The following TRIO variants were observed in gnomAD, a reference collection of about 807,000 sequenced individuals.
TRIO encodes trio Rho guanine nucleotide exchange factor, also known as triple functional domain protein.
A neutral mutation model predicts 351.9 loss-of-function variants in TRIO; 58 were observed. The ratio of observed to expected loss-of-function variants is 0.16; its 90% CI spans 0.13 to 0.21. TRIO has a LOEUF of 0.21. TRIO is among the 10% of genes least tolerant of loss of function. The pLI, the probability that TRIO is intolerant of heterozygous loss-of-function variation, is 1.00. For synonymous variants in TRIO, 1,758 were observed against 1,595.7 expected (o/e 1.10, Z -2.42); for missense variants, 3,201 against 4,027.8 (o/e 0.79, Z 5.56).
At chr5:14,417,151 T>C (rs1749716513) in intron 33 of TRIO, among the ~76,000 whole-genome samples, 1 of 152,216 alleles carries the variant, frequency 6.6e-6, no homozygotes, top group Non-Finnish European at 1.5e-5. Flanking sequence ...GCCTCTGCCT[T>C]TGAGCTTTTA....
rs1013676539 is a variant in TRIO at position 14,143,758 on chromosome 5, C to T, written c.33C>T (p.Pro11=). 69 of 992,760 alleles carry T rather than the reference C, an allele frequency of 7.0e-5. No individual in the cohort carries two copies. Among genetic ancestry groups the T allele is most frequent in the Non-Finnish European group, 8.0e-5 (67 of 836,476 alleles). 61.5% of individuals were successfully genotyped at this position (992,760 alleles called of 1,614,324 possible). A position where few individuals can be genotyped will look rare whatever the true frequency, so the allele number is the denominator to read the frequency against. The change falls in exon 1 of 57, where the codon CCC becomes CCT. Residue 11 remains proline (P), a synonymous_variant. Transcript: ENST00000344204. MSGSSGGAAA[P]AASSGPAAAA... ...GCAGCAGCGGCGGAGCCGCCGCCCC[C>T]GCCGCGTCCTCCGGCCCCGCCGCGG...
intron 1 of TRIO, among the ~76,000 whole-genome samples, chr5:14,185,756 A>G (rs1275032536): frequency 6.6e-6 from 1 of 152,198 alleles, no homozygotes; most frequent in Non-Finnish European, 1.5e-5. Flanking sequence ...GATTTCTCTC[A>G]TTTGTAAAGT....
At position 14,477,059 on chromosome 5, in the gene TRIO, A is replaced by G; in HGVS notation, c.6153+96A>G. 3.8e-6 allele frequency: 4 copies of G among 1,063,062 alleles called. No homozygotes were observed. The South Asian group carries it at 5.9e-5, about 16-fold the overall frequency. 65.9% of individuals were successfully genotyped at this position (1,063,062 alleles called of 1,614,324 possible). On this transcript the variant is annotated intron_variant, in intron 41 of 56. Transcript: ENST00000344204. Reference sequence around the variant, plus strand: ...AGGAGAACTCACTTATACTTTATGTAAGTGCGTATGTTTAAGATAAAATCA... The same window carrying G: ...AGGAGAACTCACTTATACTTTATGTGAGTGCGTATGTTTAAGATAAAATCA...
chr5:14,416,763 C>T (rs1413226434), intron 33 of TRIO, among the ~76,000 whole-genome samples: 3 of 152,194 alleles, frequency 2.0e-5, no homozygotes, highest in Non-Finnish European at 4.4e-5. Flanking sequence ...CCCCCACCCG[C>T]AGCCCATGGC....
chr5:14,357,911 T>TTGTGACAG (rs1234104434), intron 11 of TRIO, among the ~76,000 whole-genome samples: 2 of 152,156 alleles, frequency 1.3e-5, no homozygotes, highest in African/African-American at 2.4e-5. Context: ...TTTTTCTCTT[T>TTGTGACAG]TGTGACAGTG....
intron 35 of TRIO, among the ~76,000 whole-genome samples, chr5:14,462,254 C>T (rs992144152): frequency 1.3e-5 from 2 of 152,158 alleles, no homozygotes; most frequent in Admixed American, 6.5e-5. Context: ...CCTCTGTCCT[C>T]TTAGGAAAAC....
At chr5:14,437,697 C>G (rs773960980) in intron 34 of TRIO, among the ~76,000 whole-genome samples, 2,353 of 147,910 alleles carry the variant, frequency 0.016, 81 homozygotes, top group African/African-American at 0.058. Flanking sequence ...CCCCCCCCGC[C>G]CCAAGGACCT....
intron 1 of TRIO, among the ~76,000 whole-genome samples, chr5:14,175,330 A>T (rs965568087): frequency 1.3e-5 from 2 of 152,200 alleles, no homozygotes; most frequent in Non-Finnish European, 2.9e-5. Flanking sequence ...GCTTTCTAAA[A>T]GGCGTTTTCT....
Position 14,476,963 on chromosome 5 carries a change from C to T in TRIO, c.6153C>T (p.His2051=), listed in dbSNP as rs746238974. The T allele has an allele frequency of 1.3e-5, 21 of 1,612,810 alleles. No individual in the cohort carries two copies. Among genetic ancestry groups the T allele is most frequent in the East Asian group, 2.2e-5 (1 of 44,874 alleles). The change falls in exon 41 of 57, where the codon CAC becomes CAT. Residue 2051 remains histidine (H), a splice_region_variant and synonymous_variant. Coordinates refer to ENST00000344204, the MANE Select transcript of TRIO (RefSeq NM_007118.4). ...AACTAGGATCCCTTTTTGTTAAACA[C>T]GTAAGCACAATAGCATTGCTTATAT... The part of the protein sequence containing the change: ...PEKLGSLFVK[H]ERRLHMYIAY...
intron 1 of TRIO, among the ~76,000 whole-genome samples, chr5:14,244,855 C>A (rs1425345209): frequency 6.6e-6 from 1 of 152,046 alleles, no homozygotes; most frequent in Non-Finnish European, 1.5e-5. Context: ...GAGCAGGGAG[C>A]ACAGGGTAAA....
intron 34 of TRIO, among the ~76,000 whole-genome samples, chr5:14,433,961 T>G (rs1207826756): frequency 6.6e-6 from 1 of 152,238 alleles, no homozygotes; most frequent in Non-Finnish European, 1.5e-5. Context: ...TTAAGTATAT[T>G]TCTAGTCTTC....
intron 1 of TRIO, among the ~76,000 whole-genome samples, chr5:14,222,867 C>T (rs1208464665): frequency 1.3e-5 from 2 of 152,198 alleles, no homozygotes; most frequent in Non-Finnish European, 2.9e-5. Flanking sequence ...TAGGGCAGCA[C>T]GAGGCTGCCG....
chr5:14,205,523 A>C (rs32335), intron 1 of TRIO, among the ~76,000 whole-genome samples: 131,234 of 152,094 alleles, frequency 0.86, 56,762 homozygotes, highest in East Asian at 0.99. Flanking sequence ...AAACCCCTGG[A>C]AAAAATAGGA....
In TRIO at chr5:14,419,831, C is replaced by T. The variant is rs202028325; in HGVS notation, c.5013C>T (p.Asn1671=). The change falls in exon 34 of 57, where the codon AAC becomes AAT. Residue 1671 remains asparagine, a synonymous_variant. Coordinates refer to ENST00000344204, the MANE Select transcript of TRIO (RefSeq NM_007118.4). ...TGATCCATGACTTCACCGCTTGCAA[C>T]AGCAACGAGCTGACCATCCGACGGG... ...TVVIHDFTAC[N]SNELTIRRGQ... 3.6e-5 allele frequency: 58 copies of T among 1,614,116 alleles called. No individual in the cohort carries two copies. The highest frequency in any genetic ancestry group is 2.7e-4 in the East Asian group (12 of 44,898).
chr5:14,305,908 G>A (rs1295655482), intron 8 of TRIO, among the ~76,000 whole-genome samples: 3 of 152,180 alleles, frequency 2.0e-5, no homozygotes, highest in Non-Finnish European at 1.5e-5. Context: ...CAAATACTTA[G>A]CATTGTGGTA....
intron 48 of TRIO, chr5:14,492,312 A>G (rs1324902786): frequency 5.8e-6 from 3 of 519,044 alleles, no homozygotes; most frequent in Non-Finnish European, 1.0e-5. Flanking sequence ...TCCAAAACCA[A>G]AGAGTCATTA....
chr5:14,392,003 C>T (rs1395332752), intron 27 of TRIO, among the ~76,000 whole-genome samples: 7 of 152,148 alleles, frequency 4.6e-5, no homozygotes, highest in African/African-American at 7.2e-5. Flanking sequence ...CAAAATTCAG[C>T]ACCTGTATAT....
chr5:14,331,034 G>C (rs554904309), intron 10 of TRIO, 134 bp downstream of exon 10: 69 of 1,296,536 alleles, frequency 5.3e-5, no homozygotes, highest in Non-Finnish European at 7.0e-5. Flanking sequence ...TAAAGGCTCC[G>C]ATTTCAGAGT....
intron 46 of TRIO, among the ~76,000 whole-genome samples, chr5:14,484,106 C>G (rs959509017): frequency 2.6e-5 from 4 of 152,004 alleles, no homozygotes; most frequent in Non-Finnish European, 5.9e-5. Context: ...ACTCATCCAT[C>G]CCCTGCACTG....
Sources: gnomAD v4.1 joint callset for allele counts (sites outside exome capture counted in the v4.1 genomes callset) on GRCh38, gnomAD v4.1.1 for gene constraint, MANE v1.5 for transcripts, NCBI Gene and HGNC (gene_info 2026-07-23, HGNC 2026-07-21) for gene names.